Variants in PTPRT observed in about 807,000 individuals in gnomAD.
PTPRT encodes the protein receptor-type tyrosine-protein phosphatase T.
Under a neutral mutation model 176.8 loss-of-function variants are expected in PTPRT, and 56 were observed. That is an observed-to-expected ratio of 0.32 (90% CI 0.26 to 0.40). PTPRT has a LOEUF of 0.40. Among genes scored for constraint, PTPRT ranks in the 10% least tolerant of loss-of-function variants. The pLI, the probability that PTPRT is intolerant of heterozygous loss-of-function variation, is 1.00. For synonymous variants in PTPRT, 783 were observed against 739.0 expected (o/e 1.06, Z -0.96); for missense variants, 1,540 against 1,908.2 (o/e 0.81, Z 3.60).
At chr20:42,047,954 G>A in the PTPRT span, among the ~76,000 whole-genome samples, 1 of 152,176 alleles carries the variant, frequency 6.6e-6, no homozygotes, top group African/African-American at 2.4e-5. Context: ...TATGGAGTGG[G>A]TTTGAAGGGT....
At chr20:42,246,412 C>A (rs2056451851) in intron 14 of PTPRT, among the ~76,000 whole-genome samples, 1 of 152,144 alleles carries the variant, frequency 6.6e-6, no homozygotes, top group Non-Finnish European at 1.5e-5. Flanking sequence ...CTGATTAGCA[C>A]CCCACAACAT....
intron 2 of PTPRT, among the ~76,000 whole-genome samples, chr20:42,858,922 C>T (rs2078611797): frequency 6.6e-6 from 1 of 152,122 alleles, no homozygotes; most frequent in Non-Finnish European, 1.5e-5. Flanking sequence ...GTCTTTGTCA[C>T]CCCAGCACCT....
intron 6 of PTPRT, among the ~76,000 whole-genome samples, chr20:42,754,384 C>T (rs1438113353): frequency 6.6e-6 from 1 of 151,912 alleles, no homozygotes; most frequent in Non-Finnish European, 1.5e-5. Context: ...CGGGGTTTCA[C>T]CATGTTGGCC....
intron 9 of PTPRT, among the ~76,000 whole-genome samples, chr20:42,436,087 G>A (rs2145817534): frequency 6.6e-6 from 1 of 152,242 alleles, no homozygotes; most frequent in Middle Eastern, 3.4e-3. Context: ...CTCACCCTAT[G>A]CAAAAATTAA....
intron 1 of PTPRT, among the ~76,000 whole-genome samples, chr20:43,110,314 A>G (rs1030305615): frequency 2.0e-5 from 3 of 152,228 alleles, no homozygotes; most frequent in African/African-American, 2.4e-5. Context: ...GGGATCACCC[A>G]TAAGTTCCCG....
At chr20:42,916,327 G>A (rs1041728940) in intron 1 of PTPRT, among the ~76,000 whole-genome samples, 2 of 152,098 alleles carry the variant, frequency 1.3e-5, no homozygotes, top group African/African-American at 2.4e-5. Context: ...GTATTCCATG[G>A]TGTATATGTG....
chr20:42,613,529 C>T (rs558877921), intron 7 of PTPRT, among the ~76,000 whole-genome samples: 18 of 152,326 alleles, frequency 1.2e-4, no homozygotes, highest in Non-Finnish European at 2.4e-4. Flanking sequence ...AAATGTAAGT[C>T]AATGCCTAAC....
intron 1 of PTPRT, among the ~76,000 whole-genome samples, chr20:42,991,225 T>C (rs1180724275): frequency 1.3e-5 from 2 of 152,146 alleles, no homozygotes; most frequent in African/African-American, 2.4e-5. Context: ...TCCTTTCCCA[T>C]GCTAATGAAA....
At chr20:42,212,012 C>G (rs7348789) in intron 15 of PTPRT, among the ~76,000 whole-genome samples, 1 of 143,436 alleles carries the variant, frequency 7.0e-6, no homozygotes. Context: ...ATGGATGAAA[C>G]TGGAAAACAT....
intron 6 of PTPRT, among the ~76,000 whole-genome samples, chr20:42,707,317 T>A (rs1398670202): frequency 1.3e-5 from 2 of 152,202 alleles, no homozygotes; most frequent in Admixed American, 6.5e-5. Flanking sequence ...GGGCCCTGTA[T>A]AATCCTTGGG....
chr20:42,817,076 G>C (rs557385037), intron 2 of PTPRT, among the ~76,000 whole-genome samples: 1 of 152,302 alleles, frequency 6.6e-6, no homozygotes, highest in Non-Finnish European at 1.5e-5. Flanking sequence ...ATTACCAGTG[G>C]TAGACATAAA....
chr20:42,452,382 C>T (rs1568892303), intron 8 of PTPRT, among the ~76,000 whole-genome samples: 1 of 151,936 alleles, frequency 6.6e-6, no homozygotes, highest in Non-Finnish European at 1.5e-5. Flanking sequence ...AAGAAGGGTT[C>T]TCTCCTTTTG....
At chr20:42,040,026 A>G in the PTPRT span, among the ~76,000 whole-genome samples, 1 of 152,056 alleles carries the variant, frequency 6.6e-6, no homozygotes, top group African/African-American at 2.4e-5. Flanking sequence ...GTTTTCCACG[A>G]TTATTGTGCT....
chr20:42,733,862 G>A (rs765473403), intron 6 of PTPRT, among the ~76,000 whole-genome samples: 11 of 152,194 alleles, frequency 7.2e-5, no homozygotes, highest in Non-Finnish European at 1.6e-4. Flanking sequence ...GGGATGTACT[G>A]GGAGTAGGGA....
intron 1 of PTPRT, among the ~76,000 whole-genome samples, chr20:43,100,860 T>C (rs568675389): frequency 4.6e-5 from 7 of 152,320 alleles, no homozygotes; most frequent in African/African-American, 1.7e-4. Flanking sequence ...CAAATACACA[T>C]AAACGTGTCT....
intron 7 of PTPRT, among the ~76,000 whole-genome samples, chr20:42,615,853 G>A (rs1454761309): frequency 8.8e-6 from 1 of 113,410 alleles, no homozygotes; most frequent in Non-Finnish European, 1.7e-5. Flanking sequence ...TGTCAGATGA[G>A]TAGGTTGCGA....
chr20:42,919,151 C>A (rs562387385), intron 1 of PTPRT, among the ~76,000 whole-genome samples: 4 of 152,310 alleles, frequency 2.6e-5, no homozygotes, highest in Admixed American at 2.6e-4. Flanking sequence ...ACACCCATCA[C>A]CCCTCCAGCC....
chr20:42,536,687 T>C (rs1218124976), intron 7 of PTPRT, among the ~76,000 whole-genome samples: 1 of 152,210 alleles, frequency 6.6e-6, no homozygotes, highest in Non-Finnish European at 1.5e-5. Context: ...CATGAGAAGA[T>C]GTTCAACTTC....
intron 3 of PTPRT, among the ~76,000 whole-genome samples, chr20:42,784,998 GATT>G (rs2077268074): frequency 6.6e-6 from 1 of 152,120 alleles, no homozygotes; most frequent in South Asian, 2.1e-4. Flanking sequence ...TGAAAGAATA[GATT>G]TTTTTAATGT....
Sources: gnomAD v4.1 joint callset for allele counts (sites outside exome capture counted in the v4.1 genomes callset) on GRCh38, gnomAD v4.1.1 for gene constraint, MANE v1.5 for transcripts, NCBI Gene and HGNC (gene_info 2026-07-23, HGNC 2026-07-21) for gene names.